Variants in SMARCAL1 observed in about 807,000 individuals in gnomAD.
The protein encoded by SMARCAL1 is ATP-driven annealing helicase.
In SMARCAL1, 58 loss-of-function variants were observed where a neutral mutation model predicts 94.5. The observed-to-expected ratio is 0.61, with a 90% confidence interval of 0.50 to 0.76. The LOEUF (loss-of-function observed/expected upper bound fraction) is 0.76, where lower values mean the gene tolerates loss of function less well. SMARCAL1 is among the 30% of genes least tolerant of loss of function. The pLI is 0.00. For synonymous variants in SMARCAL1, 422 were observed against 455.1 expected (o/e 0.93, Z 0.93); for missense variants, 1,051 against 1,177.9 (o/e 0.89, Z 1.58).
intron 5 of SMARCAL1, among the ~76,000 whole-genome samples, chr2:216,421,358 C>T (rs970763873): frequency 5.3e-5 from 8 of 152,150 alleles, no homozygotes; most frequent in South Asian, 2.1e-4. Flanking sequence ...AGTGCAGTGG[C>T]GCAATCTTGG....
chr2:216,476,228 T>C (rs1695075455), intron 15 of SMARCAL1, among the ~76,000 whole-genome samples: 1 of 152,254 alleles, frequency 6.6e-6, no homozygotes, highest in South Asian at 2.1e-4. Flanking sequence ...TTTTATTGGC[T>C]ACACATAAGA....
chr2:216,414,776 A>T lies in SMARCAL1; in HGVS notation c.72A>T (p.Arg24Ser). The change falls in exon 3 of 18, where the codon AGA (arginine) becomes AGT (serine). Residue 24 changes from arginine (R) to serine (S), a missense_variant. Coordinates refer to ENST00000357276, the MANE Select transcript of SMARCAL1 (RefSeq NM_014140.4). ...EENRQKALAR[R>S]AEKLLAEQHQ... ...ATCGACAAAAGGCTCTGGCCCGCAG[A>T]GCTGAGAAGTTATTGGCAGAACAGC... 1 of 1,614,224 alleles carries T rather than the reference A, an allele frequency of 6.2e-7. No homozygotes were observed. Among genetic ancestry groups the T allele is most frequent in the Non-Finnish European group, 8.5e-7 (1 of 1,180,044 alleles).
rs751534116 is a variant in SMARCAL1 at position 216,415,379 on chromosome 2, G to A, written c.675G>A (p.Lys225=). 20 of 1,614,100 alleles carry A rather than the reference G, an allele frequency of 1.2e-5. No individual in the cohort carries two copies. In the Admixed American group the frequency reaches 3.3e-4, roughly 27 times the overall value. ...GGACAGAAGGAAGACTCCAGCAGAAGTCAGGGTCCTCAGTCCAAAAAGGAG... is the reference window on the plus strand; with the variant it reads ...GGACAGAAGGAAGACTCCAGCAGAAATCAGGGTCCTCAGTCCAAAAAGGAG... ...TPRTEGRLQQ[K]SGSSVQKGVN... Residue 225 remains lysine (K), a synonymous_variant, in exon 3 of 18, where the codon AAG becomes AAA. Transcript: ENST00000357276.
At chr2:216,479,267 A>T (rs767207242) in intron 17 of SMARCAL1, 7 of 152,166 alleles carry the variant, frequency 4.6e-5, no homozygotes, top group Non-Finnish European at 8.8e-5. Flanking sequence ...TTCCTGTGAA[A>T]TCACCATCAG....
chr2:216,419,094 T>A (rs949365721), intron 4 of SMARCAL1, among the ~76,000 whole-genome samples: 9 of 152,368 alleles, frequency 5.9e-5, no homozygotes, highest in African/African-American at 2.2e-4. Flanking sequence ...TAAGTTTTTG[T>A]CTGTATTTTC....
At chr2:216,423,064 T>C (rs1693759025) in intron 5 of SMARCAL1, among the ~76,000 whole-genome samples, 1 of 152,232 alleles carries the variant, frequency 6.6e-6, no homozygotes, top group Admixed American at 6.5e-5. Context: ...GTAATATCTT[T>C]ATTTTTCAGA....
At chr2:216,470,263 G>A (rs1338929276) in intron 14 of SMARCAL1, among the ~76,000 whole-genome samples, 1 of 152,052 alleles carries the variant, frequency 6.6e-6, no homozygotes, top group Non-Finnish European at 1.5e-5. Context: ...AGATTCTCAT[G>A]CCTCAGCCTC....
intron 14 of SMARCAL1, among the ~76,000 whole-genome samples, chr2:216,474,091 A>G (rs1343656832): frequency 3.0e-5 from 4 of 134,974 alleles, no homozygotes; most frequent in Non-Finnish European, 4.8e-5. Context: ...CCAAAAGGTT[A>G]TATGCTGTGC....
At chr2:216,416,649 A>G (rs1211701814) in intron 4 of SMARCAL1, among the ~76,000 whole-genome samples, 1 of 152,228 alleles carries the variant, frequency 6.6e-6, no homozygotes, top group Non-Finnish European at 1.5e-5. Flanking sequence ...TCACATAGCC[A>G]ATAAGTTGTA....
intron 6 of SMARCAL1, among the ~76,000 whole-genome samples, chr2:216,424,276 C>T (rs1006768536): frequency 4.6e-5 from 7 of 152,182 alleles, no homozygotes; most frequent in African/African-American, 1.7e-4. Flanking sequence ...CATTTTTCTT[C>T]TCTGTGTTTT....
chr2:216,421,916 C>T (rs910304900), intron 5 of SMARCAL1, among the ~76,000 whole-genome samples: 4 of 152,138 alleles, frequency 2.6e-5, no homozygotes, highest in Non-Finnish European at 5.9e-5. Context: ...CTGGTTGCTA[C>T]GTCATCATCC....
chr2:216,478,108 C>G (rs1280649691), intron 16 of SMARCAL1, 95 bp from the exon 17 acceptor site: 1 of 984,990 alleles, frequency 1.0e-6, no homozygotes, highest in Non-Finnish European at 1.6e-6. Flanking sequence ...GTAAACAAGC[C>G]GTTGTCCCAT....
chr2:216,443,110 G>A (rs1274464375), intron 10 of SMARCAL1, among the ~76,000 whole-genome samples: 1 of 152,144 alleles, frequency 6.6e-6, no homozygotes, highest in African/African-American at 2.4e-5. Context: ...CGGGCGCAGT[G>A]GCTCATGTCT....
intron 11 of SMARCAL1, among the ~76,000 whole-genome samples, chr2:216,447,447 G>A (rs535329587): frequency 7.9e-5 from 12 of 152,200 alleles, no homozygotes; most frequent in African/African-American, 2.6e-4. Context: ...TCTGAGAGCC[G>A]GCTTCCCTCT....
intron 14 of SMARCAL1, 45 bp downstream of exon 14, chr2:216,468,091 C>A: frequency 7.3e-7 from 1 of 1,369,458 alleles, no homozygotes; most frequent in South Asian, 1.2e-5. Context: ...TTGCCATGTC[C>A]CAAGTTGTTC....
chr2:216,438,349 G>A (rs767432148), intron 9 of SMARCAL1, 71 bp from the exon 10 acceptor site: 48 of 1,341,490 alleles, frequency 3.6e-5, no homozygotes, highest in Non-Finnish European at 4.7e-5. Context: ...CCAGGGTCAA[G>A]CCTAAAGTGA....
chr2:216,446,840 G>A (rs553750945), intron 10 of SMARCAL1, 178 bp from the exon 11 acceptor site: 2 of 702,256 alleles, frequency 2.8e-6, no homozygotes, highest in Admixed American at 2.0e-5. Flanking sequence ...CAGGCAGGGA[G>A]GATTTAAAGA....
chr2:216,480,439 G>A (rs779834172), intron 17 of SMARCAL1, among the ~76,000 whole-genome samples: 73 of 152,172 alleles, frequency 4.8e-4, no homozygotes, highest in Non-Finnish European at 8.2e-4. Context: ...ATAATCAAAT[G>A]CACATTAGCA....
rs1178148337 is a variant in SMARCAL1 at position 216,412,534 on chromosome 2, G to C, written c.-210G>C. 3 of 152,322 alleles carry C rather than the reference G, an allele frequency of 2.0e-5. No individual in the cohort carries two copies. Among genetic ancestry groups the C allele is most frequent in the Non-Finnish European group, 4.4e-5 (3 of 68,100 alleles). 9.4% of individuals were successfully genotyped at this position (152,322 alleles called of 1,614,324 possible). A position where few individuals can be genotyped will look rare whatever the true frequency, so the allele number is the denominator to read the frequency against. On this transcript the variant is annotated 5_prime_UTR_variant, in exon 1 of 18. Coordinates refer to ENST00000357276, the MANE Select transcript of SMARCAL1 (RefSeq NM_014140.4). ...TAAGGCTGGCGAACTCGCAGCGCTT[G>C]AATACCCGTGGCCTAACCGTCCACT...
Sources: allele counts gnomAD v4.1 joint callset (sites outside exome capture counted in the v4.1 genomes callset), GRCh38; gene constraint gnomAD v4.1.1; transcripts MANE v1.5; gene names NCBI Gene and HGNC (gene_info 2026-07-23, HGNC 2026-07-21).